The following MLLT1 variants were observed in gnomAD, a reference collection of about 807,000 sequenced individuals.
MLLT1 encodes protein ENL.
In MLLT1, 11 loss-of-function variants were observed where a neutral mutation model predicts 55.1. The observed-to-expected ratio is 0.20, with a 90% CI of 0.13 to 0.33. The LOEUF is 0.33. Ranked by LOEUF, MLLT1 falls within the 10% of genes least tolerant of loss-of-function variation. The pLI, the probability that MLLT1 is intolerant of heterozygous loss-of-function variation, is 1.00. For synonymous variants in MLLT1, 323 were observed against 320.1 expected (o/e 1.01, Z -0.10); for missense variants, 536 against 760.6 (o/e 0.70, Z 3.47).
At chr19:6,216,575 C>G (rs2090846446) in intron 7 of MLLT1, 62 bp from the exon 8 acceptor site, 1 of 1,270,250 alleles carries the variant, frequency 7.9e-7, no homozygotes, top group Non-Finnish European at 1.1e-6. Context: ...GCCTCCAGGG[C>G]CCCTCGCCCA....
At chr19:6,277,718 T>C (rs923158192) in intron 1 of MLLT1, among the ~76,000 whole-genome samples, 2 of 151,978 alleles carry the variant, frequency 1.3e-5, no homozygotes, top group Middle Eastern at 3.2e-3. Flanking sequence ...GCCTAGGACA[T>C]CTCCCCCAGG....
At chr19:6,265,049 C>CAAAAACAAAAAAAAA (rs1568296295) in intron 2 of MLLT1, among the ~76,000 whole-genome samples, 1 of 23,298 alleles carries the variant, frequency 4.3e-5, no homozygotes, top group Non-Finnish European at 1.2e-4. Context: ...AAAAAAAAAA[C>CAAAAACAAAAAAAAA]AAAAAAACAA....
intron 2 of MLLT1, among the ~76,000 whole-genome samples, chr19:6,266,276 CAAAAAAA>C (rs35972478): frequency 1.1e-4 from 8 of 73,608 alleles, no homozygotes; most frequent in Non-Finnish European, 1.7e-4. Flanking sequence ...ATTCTGTCTC[CAAAAAAA>C]AAAAAAAAAA....
chr19:6,233,007 G>A (rs1403493208), intron 3 of MLLT1, among the ~76,000 whole-genome samples: 3 of 152,358 alleles, frequency 2.0e-5, no homozygotes, highest in South Asian at 4.1e-4. Flanking sequence ...GCAAGGCAGA[G>A]CTCTGGGCCC....
In MLLT1 at chr19:6,273,816, G is replaced by A. The variant is rs765977230; in HGVS notation, c.13-3057C>T. Among the ~76,000 whole-genome samples, 1 of 152,170 alleles carries A rather than the reference G, an allele frequency of 6.6e-6. No individual in the cohort carries two copies. Among genetic ancestry groups the A allele is most frequent in the African/African-American group, 2.4e-5 (1 of 41,424 alleles). Reference sequence around the variant, plus strand: ...TCGGAATCGCTTATTCACTGACCCGGCCACTCAGACCTCGGCCGACTTCCC... The same window carrying A: ...TCGGAATCGCTTATTCACTGACCCGACCACTCAGACCTCGGCCGACTTCCC... On this transcript the variant is annotated intron_variant, in intron 1 of 11. Coordinates refer to ENST00000252674, the MANE Select transcript of MLLT1 (RefSeq NM_005934.4). This position sits in a 1 kb window ranked among gnomAD's most constrained non-coding sequence, Gnocchi z 4.3.
At chr19:6,233,819 C>T (rs2091035018) in intron 3 of MLLT1, among the ~76,000 whole-genome samples, 1 of 152,242 alleles carries the variant, frequency 6.6e-6, no homozygotes, top group Non-Finnish European at 1.5e-5. Flanking sequence ...CAAGTCCACA[C>T]TTCCCCTACG....
chr19:6,255,160 A>G (rs184739310), intron 3 of MLLT1, among the ~76,000 whole-genome samples: 5 of 152,326 alleles, frequency 3.3e-5, no homozygotes, highest in Non-Finnish European at 4.4e-5. Context: ...GGGAATTAGG[A>G]AAGAATTCCA....
rs1045784941 is a variant in MLLT1, at chr19:6,229,970, T to C, written c.420+600A>G. The stretch of plus-strand genomic sequence containing the variant: ...GGCCCTGAAGGTGGCATTGCTGTTC[T>C]GTGACCAGGCCTCAGCCTGCACGTC... On this transcript the variant is annotated intron_variant, in intron 4 of 11. Coordinates refer to ENST00000252674, the MANE Select transcript of MLLT1 (RefSeq NM_005934.4). The surrounding 1 kb of genome is among the most constrained non-coding windows in gnomAD (Gnocchi z 5.2). Among the ~76,000 whole-genome samples, 2 of 152,144 alleles carry C rather than the reference T, an allele frequency of 1.3e-5. No individual in the cohort carries two copies. Among genetic ancestry groups the C allele is most frequent in the African/African-American group, 4.8e-5 (2 of 41,428 alleles).
intron 3 of MLLT1, among the ~76,000 whole-genome samples, chr19:6,234,298 C>A (rs181196467): frequency 5.3e-5 from 8 of 152,200 alleles, no homozygotes; most frequent in Admixed American, 4.6e-4. Context: ...GCCGCCCCTG[C>A]GGAGGGGGAG....
intron 3 of MLLT1, among the ~76,000 whole-genome samples, chr19:6,246,141 C>T (rs1203477484): frequency 1.3e-5 from 2 of 151,788 alleles, no homozygotes; most frequent in African/African-American, 4.8e-5. Flanking sequence ...TGACCATATT[C>T]AAGGGCTGGC....
At chr19:6,238,384 G>C (rs972564917) in intron 3 of MLLT1, among the ~76,000 whole-genome samples, 12 of 152,224 alleles carry the variant, frequency 7.9e-5, no homozygotes, top group African/African-American at 2.9e-4. Context: ...AGGCACAGCA[G>C]GAAATATTAG....
intron 10 of MLLT1, 54 bp downstream of exon 10, chr19:6,213,672 T>TTGCCC: frequency 1.9e-6 from 2 of 1,075,342 alleles, no homozygotes; most frequent in Non-Finnish European, 2.8e-6. Flanking sequence ...TGGCTGCAAC[T>TTGCCC]CCCACCACCC....
chr19:6,219,306 C>T lies in MLLT1; in HGVS notation c.1111-1265G>A, dbSNP rs1214963544. ...CCTTCCCACCAACACATGGCGCTCCCTGATGAATCATCACTGGGAAAGCCT... is the reference window on the plus strand; with the variant it reads ...CCTTCCCACCAACACATGGCGCTCCTTGATGAATCATCACTGGGAAAGCCT... On this transcript the variant is annotated intron_variant, in intron 6 of 11. Coordinates refer to ENST00000252674, the MANE Select transcript of MLLT1 (RefSeq NM_005934.4). This position sits in a 1 kb window ranked among gnomAD's most constrained non-coding sequence, Gnocchi z 4.5. 1.3e-5 allele frequency among the ~76,000 whole-genome samples: 2 copies of T among 152,172 alleles called. No individual in the cohort carries two copies. Among genetic ancestry groups the T allele is most frequent in the African/African-American group, 2.4e-5 (1 of 41,446 alleles).
intron 3 of MLLT1, among the ~76,000 whole-genome samples, chr19:6,236,563 A>G (rs2091063037): frequency 6.6e-6 from 1 of 152,138 alleles, no homozygotes. Context: ...GGCCAGGTAG[A>G]GGTCACGCCC....
rs772078371 is a variant in MLLT1, at chr19:6,227,088, G to A, written c.435C>T (p.Pro145=). 15 of 1,599,546 alleles carry A rather than the reference G, an allele frequency of 9.4e-6. No individual in the cohort carries two copies. The highest frequency in any genetic ancestry group is 6.8e-5 in the African/African-American group (5 of 73,972). ...LLRAGGVMVM[P]EGADTVSRPS... ...GCCTGGACACCGTGTCTGCTCCTTC[G>A]GGCATTACCATCACCTAGTGACAGA... Residue 145 remains proline, a synonymous_variant, in exon 5 of 12, where the codon CCC becomes CCT. Coordinates refer to ENST00000252674, the MANE Select transcript of MLLT1 (RefSeq NM_005934.4). The surrounding 1 kb of genome is among the most constrained non-coding windows in gnomAD (Gnocchi z 5.1).
At chr19:6,260,457 C>T (rs1051155126) in intron 3 of MLLT1, among the ~76,000 whole-genome samples, 2 of 152,226 alleles carry the variant, frequency 1.3e-5, no homozygotes, top group Non-Finnish European at 2.9e-5. Context: ...TTGGGAGCGG[C>T]TGGCCTGCAT....
rs1484601483 is a variant in MLLT1, at chr19:6,212,484, A to G, written c.*558T>C. Reference sequence around the variant, plus strand: ...CTGCTCTTGACCAGACAGTGCACACACATATATAATAGAGAGAACTATACA... The same window carrying G: ...CTGCTCTTGACCAGACAGTGCACACGCATATATAATAGAGAGAACTATACA... On this transcript the variant is annotated 3_prime_UTR_variant, in exon 12 of 12. Transcript: ENST00000252674. 9.4e-7 allele frequency: 1 copy of G among 1,066,970 alleles called. No individual in the cohort carries two copies. The highest frequency in any genetic ancestry group is 5.3e-5 in the Admixed American group (1 of 18,844). The allele number at this position is 1,066,970 out of a possible 1,614,324, so 66.1% of individuals were successfully genotyped here.
At position 6,212,528 on chromosome 19, in the gene MLLT1, C is replaced by G. The variant is rs965428007; in HGVS notation, c.*514G>C. The G allele has an allele frequency of 9.3e-7, 1 of 1,080,488 alleles. No homozygotes were observed. The highest frequency in any genetic ancestry group is 4.4e-5 in the South Asian group (1 of 22,970). The allele number at this position is 1,080,488 out of a possible 1,614,324, so 66.9% of individuals were successfully genotyped here. ...CTATACAGCACAGACCCCAGCGCAG[C>G]GCGAGCCGGGGAGGAGCCGGCGCTA... On this transcript the variant is annotated 3_prime_UTR_variant, in exon 12 of 12. Coordinates refer to ENST00000252674, the MANE Select transcript of MLLT1 (RefSeq NM_005934.4).
chr19:6,213,841 C>T, intron 9 of MLLT1, 44 bp from the exon 10 acceptor site: 4 of 1,602,720 alleles, frequency 2.5e-6, no homozygotes, highest in Non-Finnish European at 3.4e-6. Context: ...CCCACACCCT[C>T]CCCAGCCCCG....
Sources: allele counts gnomAD v4.1 joint callset (sites outside exome capture counted in the v4.1 genomes callset), GRCh38; gene constraint gnomAD v4.1.1; non-coding constraint Gnocchi (gnomAD v3.1); transcripts MANE v1.5; gene names NCBI Gene and HGNC (gene_info 2026-07-23, HGNC 2026-07-21).